The following ROR2 variants were observed in gnomAD, a reference collection of about 807,000 sequenced individuals.
ROR2 encodes the protein tyrosine-protein kinase transmembrane receptor ROR2.
ROR2 carries 33 observed loss-of-function variants against 74.9 expected under a neutral mutation model. That is an observed-to-expected ratio of 0.44 (90% CI 0.33 to 0.59). The LOEUF is 0.59. Ranked by LOEUF, ROR2 falls within the 20% of genes least tolerant of loss-of-function variation. ROR2 has a pLI of 0.02. For missense variants in ROR2, 1,216 were observed against 1,313.8 expected (o/e 0.93, Z 1.15); for synonymous variants, 586 against 558.7 (o/e 1.05, Z -0.69).
chr9:91,726,682 T>A lies in ROR2; in HGVS notation c.1245A>T (p.Pro415=). Residue 415 remains proline, a synonymous_variant, in exon 8 of 9, where the codon CCA becomes CCT. Coordinates refer to ENST00000375708, the MANE Select transcript of ROR2 (RefSeq NM_004560.4). ...AGAAGAAAAGGCAAGCGATGACCAG[T>A]GGAATTGCGATGCTGGGGACCAAGA... ...LYILVPSIAI[P]LVIACLFFLV... 1 of 1,613,782 alleles carries A rather than the reference T, an allele frequency of 6.2e-7. No homozygotes were observed. Among genetic ancestry groups the A allele is most frequent in the Non-Finnish European group, 8.5e-7 (1 of 1,179,986 alleles).
At chr9:91,814,234 A>G (rs1033852713) in intron 1 of ROR2, among the ~76,000 whole-genome samples, 1 of 152,174 alleles carries the variant, frequency 6.6e-6, no homozygotes, top group African/African-American at 2.4e-5. Context: ...ATGTTTGAGG[A>G]AAAAAATCAA....
chr9:91,842,118 A>G (rs185840266), intron 1 of ROR2, among the ~76,000 whole-genome samples: 163 of 152,310 alleles, frequency 1.1e-3, no homozygotes, highest in African/African-American at 3.8e-3. Context: ...CAGAATAAAG[A>G]AGAGAGAGAA....
intron 4 of ROR2, among the ~76,000 whole-genome samples, chr9:91,743,517 G>A (rs563209447): frequency 5.3e-5 from 8 of 152,162 alleles, no homozygotes; most frequent in Non-Finnish European, 8.8e-5. Flanking sequence ...GTTGCCATGA[G>A]CCAAGATCAT....
rs1057515684 is a variant in ROR2 at position 91,950,117 on chromosome 9, C to G, written c.-154G>C. 1.4e-5 allele frequency: 6 copies of G among 426,324 alleles called. No individual in the cohort carries two copies. The Admixed American group carries it at 2.8e-4, about 20-fold the overall frequency. 26.4% of individuals were successfully genotyped at this position (426,324 alleles called of 1,614,324 possible). ...GAGGACCTCGTCGTCGTCCTCTTCT[C>G]CGGCCCGGATGCGCCGCTCGGCTCC... On this transcript the variant is annotated 5_prime_UTR_variant, in exon 1 of 9. Transcript: ENST00000375708.
In ROR2 at chr9:91,814,932, C is replaced by T. The variant is rs549546105; in HGVS notation, c.98-39114G>A. On this transcript the variant is annotated intron_variant, in intron 1 of 8. Coordinates refer to ENST00000375708, the MANE Select transcript of ROR2 (RefSeq NM_004560.4). ...ACGGGCTTAGAGAAGCACTCTGGGC[C>T]CCCTCCTCACCCCACAAGGGCTGAC... is the stretch of plus-strand genomic sequence containing the variant. 1.3e-4 allele frequency among the ~76,000 whole-genome samples: 20 copies of T among 152,340 alleles called. No individual in the cohort carries two copies. In the East Asian group the frequency reaches 3.7e-3, roughly 28 times the overall value.
At chr9:91,885,645 C>G (rs985409886) in intron 1 of ROR2, among the ~76,000 whole-genome samples, 1 of 152,104 alleles carries the variant, frequency 6.6e-6, no homozygotes, top group Non-Finnish European at 1.5e-5. Flanking sequence ...AACAGGGAAC[C>G]CTAAAAGTGA....
chr9:91,730,896 G>C lies in ROR2; in HGVS notation c.1183+14C>G, dbSNP rs1294013744. 2.5e-6 allele frequency: 4 copies of C among 1,614,056 alleles called. No homozygotes were observed. The East Asian group carries it at 8.9e-5, about 36-fold the overall frequency. ...ACAATCAACACATTAAAAAAAGAGA[G>C]AGAGAATACATACTACACGAGGGTA... On this transcript the variant is annotated intron_variant, in intron 7 of 8. Transcript: ENST00000375708.
chr9:91,849,243 A>C (rs1164305094), intron 1 of ROR2, among the ~76,000 whole-genome samples: 3 of 152,232 alleles, frequency 2.0e-5, no homozygotes, highest in Non-Finnish European at 4.4e-5. Context: ...CGGTCAGATG[A>C]GATTCCCAGG....
chr9:91,921,204 T>C (rs1831255100), intron 1 of ROR2, among the ~76,000 whole-genome samples: 1 of 152,202 alleles, frequency 6.6e-6, no homozygotes, highest in Non-Finnish European at 1.5e-5. Context: ...CTCTCTGACC[T>C]GCAGGAAAAA....
chr9:91,885,394 T>G (rs1170289117), intron 1 of ROR2, among the ~76,000 whole-genome samples: 2 of 152,172 alleles, frequency 1.3e-5, no homozygotes, highest in African/African-American at 4.8e-5. Flanking sequence ...CAGGCGGGAA[T>G]AACCATCCTT....
intron 7 of ROR2, among the ~76,000 whole-genome samples, chr9:91,729,638 G>A (rs1180153455): frequency 1.3e-5 from 2 of 152,154 alleles, no homozygotes; most frequent in African/African-American, 2.4e-5. Flanking sequence ...CTTTATCCGC[G>A]GGTGCCCACT....
rs1826391848 is a variant in ROR2 at position 91,775,617 on chromosome 9, C to T, written c.175+124G>A. ...TCAAGGTGGCATTCCACCATACCCA[C>T]CACCAGGGGGCACCAAGGGGCCAGA... On this transcript the variant is annotated intron_variant, in intron 2 of 8. Coordinates refer to ENST00000375708, the MANE Select transcript of ROR2 (RefSeq NM_004560.4). 5 of 861,242 alleles carry T rather than the reference C, an allele frequency of 5.8e-6. No individual in the cohort carries two copies. In the East Asian group the frequency reaches 1.3e-4, roughly 22 times the overall value. The allele number at this position is 861,242 out of a possible 1,614,324, so 53.4% of individuals were successfully genotyped here. A position where few individuals can be genotyped will look rare whatever the true frequency, so the allele number is the denominator to read the frequency against.
chr9:91,775,850 C>T (rs747910147), intron 1 of ROR2, 32 bp from the exon 2 acceptor site: 1 of 1,600,110 alleles, frequency 6.2e-7, no homozygotes, highest in Non-Finnish European at 8.6e-7. Context: ...AGGTATTAAA[C>T]AAGTTTTCCT....
rs1837301772 is a variant in ROR2 at position 91,733,056 on chromosome 9, T to A, written c.937+66A>T. 2 of 1,457,194 alleles carry A rather than the reference T, an allele frequency of 1.4e-6. No homozygotes were observed. The highest frequency in any genetic ancestry group is 2.0e-5 in the Admixed American group (1 of 50,154). 90.3% of individuals were successfully genotyped at this position (1,457,194 alleles called of 1,614,324 possible). A position where few individuals can be genotyped will look rare whatever the true frequency, so the allele number is the denominator to read the frequency against. ...TCCCTGGGCTTCACCGACACCCCCA[T>A]ACACATTTCAAGGGCCCTACACTCC... On this transcript the variant is annotated intron_variant, in intron 6 of 8. Transcript: ENST00000375708. This position sits in a 1 kb window ranked among gnomAD's most constrained non-coding sequence, Gnocchi z 5.7.
intron 2 of ROR2, among the ~76,000 whole-genome samples, chr9:91,761,676 C>T (rs1467759065): frequency 6.6e-6 from 1 of 152,168 alleles, no homozygotes; most frequent in African/African-American, 2.4e-5. Flanking sequence ...ACAGGCCACG[C>T]ACCAGTACCA....
At chr9:91,797,665 G>T (rs1439614680) in intron 1 of ROR2, among the ~76,000 whole-genome samples, 3 of 13,452 alleles carry the variant, frequency 2.2e-4, no homozygotes, top group African/African-American at 1.6e-3. Flanking sequence ...TCTGTGGGTG[G>T]GGCTGACACC....
At chr9:91,830,383 G>A (rs1828427816) in intron 1 of ROR2, among the ~76,000 whole-genome samples, 1 of 152,120 alleles carries the variant, frequency 6.6e-6, no homozygotes, top group African/African-American at 2.4e-5. Flanking sequence ...GAAGTGGGAG[G>A]ATCACTTGAG....
chr9:91,851,612 G>A (rs889373649), intron 1 of ROR2, among the ~76,000 whole-genome samples: 3 of 152,120 alleles, frequency 2.0e-5, no homozygotes, highest in Non-Finnish European at 4.4e-5. Context: ...GGTGCTAGTT[G>A]GAACTGTATT....
At chr9:91,837,841 A>G (rs546487253) in intron 1 of ROR2, among the ~76,000 whole-genome samples, 5 of 152,344 alleles carry the variant, frequency 3.3e-5, no homozygotes, top group Admixed American at 3.3e-4. Context: ...GCTATAAGGT[A>G]GAAGTAAAAG....
Sources: allele counts gnomAD v4.1 joint callset (sites outside exome capture counted in the v4.1 genomes callset), GRCh38; gene constraint gnomAD v4.1.1; non-coding constraint Gnocchi (gnomAD v3.1); transcripts MANE v1.5; gene names NCBI Gene and HGNC (gene_info 2026-07-23, HGNC 2026-07-21).